Variants in AFG2B observed in about 807,000 individuals in gnomAD.
The protein encoded by AFG2B is AAA ATPase AFG2B.
the AFG2B span, chr15:45,403,199 A>T: frequency 2.0e-6 from 3 of 1,469,610 alleles, no homozygotes; most frequent in Non-Finnish European, 2.7e-6. Context: ...GTGGCGCGCG[A>T]GGCGGGCGCG....
chr15:45,416,111 C>A, the AFG2B span, among the ~76,000 whole-genome samples: 327 of 152,190 alleles, frequency 2.1e-3, 1 homozygote, highest in African/African-American at 7.5e-3. Flanking sequence ...TCCTAAAAAC[C>A]AGTATTCATT....
the AFG2B span, among the ~76,000 whole-genome samples, chr15:45,405,033 G>T: frequency 6.6e-6 from 1 of 152,060 alleles, no homozygotes; most frequent in Non-Finnish European, 1.5e-5. Flanking sequence ...TTATCTGAGT[G>T]TTGGGAATAT....
chr15:45,405,669 A>T, the AFG2B span, among the ~76,000 whole-genome samples: 1 of 152,176 alleles, frequency 6.6e-6, no homozygotes, highest in Admixed American at 6.5e-5. Flanking sequence ...ATAGTATATG[A>T]TTGAGGGTGG....
At chr15:45,415,838 T>G in the AFG2B span, 1 of 1,528,062 alleles carries the variant, frequency 6.5e-7, no homozygotes, top group Non-Finnish European at 9.0e-7. Flanking sequence ...GCACCTAAAA[T>G]CCAGGCCAAC....
At chr15:45,417,283 T>C in the AFG2B span, 4 of 1,613,946 alleles carry the variant, frequency 2.5e-6, no homozygotes, top group Middle Eastern at 1.7e-4. Context: ...TCAAGAAGTT[T>C]TTAACCGAAG....
At chr15:45,419,990 C>CCCG in the AFG2B span, among the ~76,000 whole-genome samples, 2 of 98,588 alleles carry the variant, frequency 2.0e-5, 1 homozygote, top group East Asian at 1.1e-3. Context: ...ACTCTGTCCC[C>CCCG]CCCCCCCAAA....
chr15:45,410,605 T>C, the AFG2B span: 1 of 1,418,394 alleles, frequency 7.1e-7, no homozygotes, highest in South Asian at 1.5e-5. Context: ...GACAACATAC[T>C]GCGCTGAAAC....
At chr15:45,420,720 G>A in the AFG2B span, among the ~76,000 whole-genome samples, 3 of 151,980 alleles carry the variant, frequency 2.0e-5, no homozygotes, top group East Asian at 1.9e-4. Context: ...GAAGCCAGGC[G>A]CTGTGGCTCA....
At chr15:45,407,338 T>C in the AFG2B span, 3 of 737,072 alleles carry the variant, frequency 4.1e-6, no homozygotes, top group Non-Finnish European at 5.5e-6. Context: ...TTGTGAAGTA[T>C]TCCTATTAAA....
At chr15:45,410,406 T>C in the AFG2B span, 1 of 1,613,872 alleles carries the variant, frequency 6.2e-7, no homozygotes, top group Admixed American at 1.7e-5. Context: ...GAAATAGACT[T>C]CCTTGAAGCT....
chr15:45,408,172 G>A, the AFG2B span, among the ~76,000 whole-genome samples: 1 of 152,270 alleles, frequency 6.6e-6, no homozygotes, highest in African/African-American at 2.4e-5. Flanking sequence ...CAATAAACAT[G>A]AAAGATGTTC....
chr15:45,405,174 T>C, the AFG2B span: 1 of 677,664 alleles, frequency 1.5e-6, no homozygotes, highest in Non-Finnish European at 2.4e-6. Context: ...TGAGCCAACC[T>C]GTCTTCATCC....
the AFG2B span, chr15:45,417,377 A>G: frequency 3.7e-6 from 6 of 1,614,062 alleles, no homozygotes; most frequent in South Asian, 2.2e-5. Flanking sequence ...AAGATCATCT[A>G]TATCCCACCT....
chr15:45,411,704 A>G, the AFG2B span, among the ~76,000 whole-genome samples: 1 of 152,094 alleles, frequency 6.6e-6, no homozygotes, highest in Admixed American at 6.6e-5. Flanking sequence ...GCTTGACCCC[A>G]GGACACCCAG....
chr15:45,420,934 G>A, the AFG2B span: 1 of 1,085,384 alleles, frequency 9.2e-7, no homozygotes, highest in African/African-American at 1.7e-5. Context: ...GGAGGTTGCA[G>A]TGAGTCCAGA....
chr15:45,408,069 G>T, the AFG2B span, among the ~76,000 whole-genome samples: 1 of 152,188 alleles, frequency 6.6e-6, no homozygotes, highest in Admixed American at 6.5e-5. Context: ...GATAGGGAAT[G>T]AACAAATCTT....
At chr15:45,414,868 GT>G in the AFG2B span, 2 of 1,109,522 alleles carry the variant, frequency 1.8e-6, no homozygotes, top group South Asian at 3.2e-5. Context: ...TATTACTAGT[GT>G]TTTTTCCAGT....
At chr15:45,414,842 C>T in the AFG2B span, 5 of 1,417,670 alleles carry the variant, frequency 3.5e-6, no homozygotes, top group Non-Finnish European at 4.9e-6. Flanking sequence ...TTCTTATGGA[C>T]AAACCTTTTT....
At chr15:45,405,951 C>T in the AFG2B span, among the ~76,000 whole-genome samples, 1 of 152,006 alleles carries the variant, frequency 6.6e-6, no homozygotes, top group Non-Finnish European at 1.5e-5. Flanking sequence ...ATGTGTATTT[C>T]CTTATATATA....
Sources: allele counts gnomAD v4.1 joint callset (sites outside exome capture counted in the v4.1 genomes callset), GRCh38; gene constraint gnomAD v4.1.1; transcripts MANE v1.5; gene names NCBI Gene and HGNC (gene_info 2026-07-23, HGNC 2026-07-21).